PRG2: variants seen among roughly 807,000 people sequenced by gnomAD.
PRG2 encodes bone marrow proteoglycan.
A neutral mutation model predicts 24.7 loss-of-function variants in PRG2; 23 were observed. The ratio of observed to expected loss-of-function variants is 0.93; its 90% confidence interval spans 0.67 to 1.32. The LOEUF is 1.32. Ranked by LOEUF, PRG2 falls within the 40% of genes most tolerant of loss-of-function variation. PRG2 has a pLI of 0.00. For missense variants in PRG2, 271 were observed against 280.9 expected (o/e 0.96, Z 0.25); for synonymous variants, 104 against 99.8 (o/e 1.04, Z -0.25).
intron 2 of PRG2, 23 bp from the exon 3 acceptor site, chr11:57,389,340 G>A (rs770562150): frequency 2.5e-6 from 4 of 1,599,862 alleles, no homozygotes; most frequent in Admixed American, 1.7e-5. Flanking sequence ...ATAGCTAAGT[G>A]TCCTTCCTTC....
chr11:57,387,784 C>G lies in PRG2; in HGVS notation c.580G>C (p.Gly194Arg). The change falls in exon 5 of 6, where the codon GGT becomes CGT. Residue 194 changes from glycine to arginine, a missense_variant. Coordinates refer to ENST00000311862, the MANE Select transcript of PRG2 (RefSeq NM_002728.6). ...GTACACAGGGCCACGCAGTGACCAC[C>G]GCGGGACCAGGGCTGGTGAGCAGCC... ...YWAAHQPWSR[G>R]GHCVALCTRG... 1 of 1,591,924 alleles carries G rather than the reference C, an allele frequency of 6.3e-7. No homozygotes were observed. Among genetic ancestry groups the G allele is most frequent in the Non-Finnish European group, 8.5e-7 (1 of 1,169,904 alleles).
Position 57,387,314 on chromosome 11 carries a change from C to T in PRG2, c.*161G>A. The T allele has an allele frequency of 1.7e-6, 1 of 605,060 alleles. No individual in the cohort carries two copies. Among genetic ancestry groups the T allele is most frequent in the Non-Finnish European group, 2.9e-6 (1 of 348,856 alleles). The allele number at this position is 605,060 out of a possible 1,614,324, so 37.5% of individuals were successfully genotyped here. On this transcript the variant is annotated 3_prime_UTR_variant, in exon 6 of 6. Coordinates refer to ENST00000311862, the MANE Select transcript of PRG2 (RefSeq NM_002728.6). Reference sequence around the variant, plus strand: ...GGGAGAGATGATAAGGAAGAAGTTTCAATGAGGGCTAAGCAGAGTGGATCC... The same window carrying T: ...GGGAGAGATGATAAGGAAGAAGTTTTAATGAGGGCTAAGCAGAGTGGATCC...
chr11:57,388,943 C>T (rs1357519144), intron 3 of PRG2, 67 bp downstream of exon 3: 21 of 1,545,526 alleles, frequency 1.4e-5, no homozygotes, highest in Middle Eastern at 2.1e-4. Context: ...CCAGTGATAG[C>T]AATGCTGGGG....
At chr11:57,388,109 C>T (rs1178353428) in intron 4 of PRG2, among the ~76,000 whole-genome samples, 2 of 152,152 alleles carry the variant, frequency 1.3e-5, no homozygotes, top group Non-Finnish European at 2.9e-5. Flanking sequence ...CAAGGGTTGC[C>T]AACTCATCCT....
intron 2 of PRG2, 119 bp from the exon 3 acceptor site, chr11:57,389,436 G>T (rs1006001504): frequency 1.8e-6 from 2 of 1,121,180 alleles, no homozygotes; most frequent in Admixed American, 2.7e-5. Flanking sequence ...CTGGGAAGGG[G>T]AACCTGGAAC....
At chr11:57,387,709 C>A in intron 5 of PRG2, 45 bp downstream of exon 5, 2 of 1,479,618 alleles carry the variant, frequency 1.4e-6, no homozygotes, top group African/African-American at 1.4e-5. Context: ...GGGGCACTTC[C>A]CATCTCCCAG....
chr11:57,388,869 C>T, intron 3 of PRG2, 141 bp downstream of exon 3: 5 of 1,420,918 alleles, frequency 3.5e-6, no homozygotes, highest in Non-Finnish European at 4.7e-6. Flanking sequence ...TCCCCTCTTA[C>T]CCCAACACCT....
In PRG2 at chr11:57,387,098, T is replaced by A; in HGVS notation, c.*377A>T. The A allele has an allele frequency of 6.0e-6, 1 of 166,530 alleles. No individual in the cohort carries two copies. The highest frequency in any genetic ancestry group is 1.3e-5 in the Non-Finnish European group (1 of 78,198). 10.3% of individuals were successfully genotyped at this position (166,530 alleles called of 1,614,324 possible). ...GGTTACAGAGATGCAAACTGGGCCA[T>A]TGGGAGTCTACCTACAACCTTGAAA... is the stretch of plus-strand genomic sequence containing the variant. On this transcript the variant is annotated 3_prime_UTR_variant, in exon 6 of 6. Coordinates refer to ENST00000311862, the MANE Select transcript of PRG2 (RefSeq NM_002728.6).
chr11:57,388,566 A>C lies in PRG2; in HGVS notation c.498+11T>G. 1.2e-6 allele frequency: 2 copies of C among 1,613,740 alleles called. No individual in the cohort carries two copies. Among genetic ancestry groups the C allele is most frequent in the East Asian group, 4.5e-5 (2 of 44,880 alleles). ...CAGGTGCACCCCATTTAGTGTTCAC[A>C]CTTCTCTTACCGAGCCTGTGATCCT... On this transcript the variant is annotated intron_variant, in intron 4 of 5. Coordinates refer to ENST00000311862, the MANE Select transcript of PRG2 (RefSeq NM_002728.6).
chr11:57,389,972 C>G lies in PRG2; in HGVS notation c.-12-16G>C, dbSNP rs1420277640. On this transcript the variant is annotated splice_polypyrimidine_tract_variant and intron_variant, in intron 1 of 5. Transcript: ENST00000311862. ...TGGCTTTATCCTGCAACGGAGAACA[C>G]AGTTTGTCATTGACACACACAGACA... 6 of 1,595,144 alleles carry G rather than the reference C, an allele frequency of 3.8e-6. No individual in the cohort carries two copies. The African/African-American group carries it at 8.1e-5, about 21-fold the overall frequency.
At chr11:57,388,984 C>T (rs1234720675) in intron 3 of PRG2, 26 bp downstream of exon 3, 1 of 1,604,014 alleles carries the variant, frequency 6.2e-7, no homozygotes. Flanking sequence ...ATGCTCCCAC[C>T]TCAGCCTCAG....
chr11:57,390,030 G>A, intron 1 of PRG2, 74 bp from the exon 2 acceptor site: 9 of 1,262,024 alleles, frequency 7.1e-6, no homozygotes, highest in Non-Finnish European at 1.0e-5. Context: ...ACACCATTAG[G>A]GGACCGTGGG....
At chr11:57,388,427 C>T in intron 4 of PRG2, 150 bp downstream of exon 4, 4 of 1,232,306 alleles carry the variant, frequency 3.2e-6, no homozygotes, top group East Asian at 2.4e-5. Context: ...CCTGAATGCC[C>T]AGGCAGCCCC....
chr11:57,390,510 GC>G (rs1159730020), intron 1 of PRG2, 85 bp downstream of exon 1: 1 of 883,992 alleles, frequency 1.1e-6, no homozygotes, highest in African/African-American at 1.8e-5. Context: ...ACGCCTGCCA[GC>G]CCTCCAGAAA....
intron 3 of PRG2, 38 bp downstream of exon 3, chr11:57,388,972 C>G: frequency 6.3e-7 from 1 of 1,595,696 alleles, no homozygotes. Flanking sequence ...CACACCCGTT[C>G]CATGCTCCCA....
Position 57,389,628 on chromosome 11 carries a change from G to A in PRG2, c.58+259C>T, listed in dbSNP as rs187280750. Among the ~76,000 whole-genome samples, 13 of 152,280 alleles carry A rather than the reference G, an allele frequency of 8.5e-5. No homozygotes were observed. In the East Asian group the frequency reaches 2.5e-3, roughly 29 times the overall value. ...ATGCTAAGAGAGTTAAAGGAGAGAA[G>A]GCACTCAGTAAGCTCAAAGTAAGCA... On this transcript the variant is annotated intron_variant, in intron 2 of 5. Coordinates refer to ENST00000311862, the MANE Select transcript of PRG2 (RefSeq NM_002728.6).
At position 57,389,134 on chromosome 11, in the gene PRG2, T is replaced by C. The variant is rs1857108813; in HGVS notation, c.242A>G (p.Asp81Gly). ...ACACGTAAGGTTTTTGTCCACCATA[T>C]CTGGCACTGAGATAGACTCAACAGC... ...DGAVESISVP[D>G]MVDKNLTCPE... Residue 81 changes from aspartate (D) to glycine (G), a missense_variant, in exon 3 of 6, where the codon GAT becomes GGT. Physicochemically the swap from Asp to Gly is moderately conservative, Grantham distance 94. Coordinates refer to ENST00000311862, the MANE Select transcript of PRG2 (RefSeq NM_002728.6). 1.2e-6 allele frequency: 2 copies of C among 1,614,218 alleles called. No homozygotes were observed. Among genetic ancestry groups the C allele is most frequent in the African/African-American group, 1.3e-5 (1 of 75,060 alleles).
Position 57,388,615 on chromosome 11 carries a change from G to T in PRG2, c.460C>A (p.Gln154Lys), listed in dbSNP as rs1377411846. 2 of 1,613,840 alleles carry T rather than the reference G, an allele frequency of 1.2e-6. No individual in the cohort carries two copies. The highest frequency in any genetic ancestry group is 3.3e-5 in the Admixed American group (2 of 59,992). Residue 154 changes from glutamine (Q) to lysine (K), a missense_variant, in exon 4 of 6, where the codon CAG becomes AAG. Physicochemically the swap from Gln to Lys is moderately conservative, Grantham distance 53. Transcript: ENST00000311862. Reference sequence around the variant, plus strand: ...CTGCCTCCAATCCAGACTTGACCCTGGTTGAGCGCGCTGACAGAACACTGG... The same window carrying T: ...CTGCCTCCAATCCAGACTTGACCCTTGTTGAGCGCGCTGACAGAACACTGG... ...RIQCSVSALNQGQVWIGGRIT... is the reference protein window; with the variant it reads ...RIQCSVSALNKGQVWIGGRIT...
chr11:57,389,742 G>T, intron 2 of PRG2, 145 bp downstream of exon 2: 1 of 716,640 alleles, frequency 1.4e-6, no homozygotes. Flanking sequence ...TCAACTCCTG[G>T]CCATAGAGTC....
Sources: allele counts gnomAD v4.1 joint callset (sites outside exome capture counted in the v4.1 genomes callset), GRCh38; gene constraint gnomAD v4.1.1; transcripts MANE v1.5; gene names NCBI Gene and HGNC (gene_info 2026-07-23, HGNC 2026-07-21).